Variants in CD164 observed in about 807,000 individuals in gnomAD.
CD164 encodes the protein CD164 molecule.
A neutral mutation model predicts 24.6 loss-of-function variants in CD164; 11 were observed. The ratio of observed to expected loss-of-function variants is 0.45; its 90% CI spans 0.28 to 0.74. CD164 has a LOEUF of 0.74. Among genes scored for constraint, CD164 ranks in the 30% least tolerant of loss-of-function variants. The probability of loss-of-function intolerance (pLI) is 0.13; values close to 1 mark genes in which losing one functional copy is unlikely to be tolerated. For synonymous variants in CD164, 126 were observed against 100.3 expected, an observed-to-expected ratio of 1.26 and a Z score of -1.53; for missense variants, 295 against 243.7, an observed-to-expected ratio of 1.21 and a Z score of -1.40.
At chr6:109,381,866 C>G (rs1771771174) in intron 1 of CD164, 1 of 486,702 alleles carries the variant, frequency 2.1e-6, no homozygotes, top group Non-Finnish European at 3.6e-6. Context: ...CACCGCTGCC[C>G]CCGCGGAAGG....
chr6:109,371,986 A>G (rs1771100596), intron 4 of CD164: 1 of 152,216 alleles, frequency 6.6e-6, no homozygotes, highest in Non-Finnish European at 1.5e-5. Flanking sequence ...ATTTCAGAAA[A>G]AAGGGTTTGA....
rs1770855740 is a variant in CD164 at position 109,367,896 on chromosome 6, T to A, written c.*955A>T. 6.3e-6 allele frequency: 1 copy of A among 158,384 alleles called. No homozygotes were observed. The highest frequency in any genetic ancestry group is 6.5e-5 in the Admixed American group (1 of 15,396). The allele number at this position is 158,384 out of a possible 1,614,324, so 9.8% of individuals were successfully genotyped here. ...TCAAGGTACAATAGTGCTAGCATACTTTTTTTTAAAGTACAAAGGAAAGTG... is the reference window on the plus strand; with the variant it reads ...TCAAGGTACAATAGTGCTAGCATACATTTTTTTAAAGTACAAAGGAAAGTG... On this transcript the variant is annotated 3_prime_UTR_variant, in exon 6 of 6. Coordinates refer to ENST00000310786, the MANE Select transcript of CD164 (RefSeq NM_006016.6).
rs891205264 is a variant in CD164 at position 109,376,213 on chromosome 6, T to C, written c.332-101A>G. On this transcript the variant is annotated intron_variant, in intron 3 of 5. Transcript: ENST00000310786. Reference sequence around the variant, plus strand: ...TGACCTGCAATCATTTGAGTACTTTTCACAATTTTTACAACACTTAAATAC... The same window carrying C: ...TGACCTGCAATCATTTGAGTACTTTCCACAATTTTTACAACACTTAAATAC... 2.3e-5 allele frequency: 17 copies of C among 743,396 alleles called. No individual in the cohort carries two copies. In the South Asian group the frequency reaches 2.3e-4, roughly 10 times the overall value. 46.0% of individuals were successfully genotyped at this position (743,396 alleles called of 1,614,324 possible). A position where few individuals can be genotyped will look rare whatever the true frequency, so the allele number is the denominator to read the frequency against.
Position 109,367,147 on chromosome 6 carries a change from C to T in CD164, c.*1704G>A, listed in dbSNP as rs1481284823. On this transcript the variant is annotated 3_prime_UTR_variant, in exon 6 of 6. Coordinates refer to ENST00000310786, the MANE Select transcript of CD164 (RefSeq NM_006016.6). Reference sequence around the variant, plus strand: ...ATGGAAACAAAAAATGTGAGGTAAACCGACCTTTCCCCAAGAAACTTTGAA... The same window carrying T: ...ATGGAAACAAAAAATGTGAGGTAAATCGACCTTTCCCCAAGAAACTTTGAA... The T allele has an allele frequency of 6.6e-6, 1 of 152,524 alleles. No individual in the cohort carries two copies. The highest frequency in any genetic ancestry group is 1.5e-5 in the Non-Finnish European group (1 of 68,002). 9.4% of individuals were successfully genotyped at this position (152,524 alleles called of 1,614,324 possible). A position where few individuals can be genotyped will look rare whatever the true frequency, so the allele number is the denominator to read the frequency against.
chr6:109,382,170 G>C (rs1475709427), intron 1 of CD164, 34 bp downstream of exon 1: 2 of 1,490,028 alleles, frequency 1.3e-6, no homozygotes, highest in South Asian at 2.6e-5. Context: ...GGCTGGGCAG[G>C]GGAGGGCGGG....
intron 4 of CD164, among the ~76,000 whole-genome samples, chr6:109,373,318 T>C (rs1403273406): frequency 1.3e-5 from 2 of 152,214 alleles, no homozygotes; most frequent in African/African-American, 4.8e-5. Context: ...ATTAACCTCA[T>C]TATACACCCT....
chr6:109,377,938 C>CT lies in CD164; in HGVS notation c.292dup (p.Ser98LysfsTer2), dbSNP rs1252005500. On this transcript the variant is annotated frameshift_variant, in exon 3 of 6. Transcript: ENST00000310786. LOFTEE classifies it high-confidence loss of function. ...TGTCGTGTTCCCCACTTGACAATCA[C>CT]TAACTGTTGAGTTATGTGAACAATA... 1 of 1,613,806 alleles carries CT rather than the reference C, an allele frequency of 6.2e-7. No individual in the cohort carries two copies. Among genetic ancestry groups the CT allele is most frequent in the Non-Finnish European group, 8.5e-7 (1 of 1,179,944 alleles).
rs1451115611 is a variant in CD164 at position 109,377,949 on chromosome 6, G to A, written c.282C>T (p.Asn94=). The A allele has an allele frequency of 6.8e-6, 11 of 1,613,528 alleles. No homozygotes were observed. Among genetic ancestry groups the A allele is most frequent in the Admixed American group, 1.7e-5 (1 of 60,008 alleles). ...CCACTTGACAATCACTAACTGTTGA[G>A]TTATGTGAACAATAGCTCTCATCTG... ...ECKDESYCSH[N]STVSDCQVGN... The change falls in exon 3 of 6, where the codon AAC becomes AAT. Residue 94 remains asparagine (N), a synonymous_variant. Transcript: ENST00000310786.
chr6:109,370,770 G>C (rs988445473), intron 4 of CD164: 1 of 258,038 alleles, frequency 3.9e-6, no homozygotes, highest in Admixed American at 5.6e-5. Flanking sequence ...ACTGCCAAGG[G>C]CAAGAACATT....
chr6:109,377,842 C>G lies in CD164; in HGVS notation c.331+58G>C, dbSNP rs114995468. Reference sequence around the variant, plus strand: ...AGCACTGAAACAAGGCTTTCTGAGGCAATGATCTTCCTCACCTCTCTGCGG... The same window carrying G: ...AGCACTGAAACAAGGCTTTCTGAGGGAATGATCTTCCTCACCTCTCTGCGG... On this transcript the variant is annotated intron_variant, in intron 3 of 5. Coordinates refer to ENST00000310786, the MANE Select transcript of CD164 (RefSeq NM_006016.6). 1,261 of 1,231,910 alleles carry G rather than the reference C, an allele frequency of 1.0e-3. 9 individuals carry two copies. The African/African-American group carries it at 0.017, about 16-fold the overall frequency. 76.3% of individuals were successfully genotyped at this position (1,231,910 alleles called of 1,614,324 possible). A position where few individuals can be genotyped will look rare whatever the true frequency, so the allele number is the denominator to read the frequency against.
intron 1 of CD164, chr6:109,379,936 G>A (rs536378490): frequency 9.3e-5 from 25 of 268,264 alleles, no homozygotes; most frequent in African/African-American, 4.9e-4. Flanking sequence ...ACAACTATTG[G>A]AAGACACCCA....
At chr6:109,374,043 A>G (rs1376088861) in intron 4 of CD164, among the ~76,000 whole-genome samples, 2 of 151,988 alleles carry the variant, frequency 1.3e-5, no homozygotes, top group African/African-American at 4.8e-5. Flanking sequence ...ACAACCACAT[A>G]CTGTTAGTTT....
chr6:109,377,807 C>T, intron 3 of CD164, 93 bp downstream of exon 3: 2 of 852,308 alleles, frequency 2.3e-6, no homozygotes, highest in East Asian at 2.4e-5. Context: ...TATGGCAATG[C>T]TTCAAACAAA....
intron 3 of CD164, among the ~76,000 whole-genome samples, chr6:109,376,999 T>C (rs931383373): frequency 6.6e-6 from 1 of 152,138 alleles, no homozygotes; most frequent in Non-Finnish European, 1.5e-5. Flanking sequence ...TAGCCAGCTA[T>C]GGTGGCATGC....
rs34131679 is a variant in CD164 at position 109,375,848 on chromosome 6, C to A, written c.370+226G>T. ...AAGTACTTTATAGACTCAATGTACA[C>A]AGCCTCAGCAAATCTGCTCACATTC... On this transcript the variant is annotated intron_variant, in intron 4 of 5. Coordinates refer to ENST00000310786, the MANE Select transcript of CD164 (RefSeq NM_006016.6). The A allele has an allele frequency of 0.27, 129,636 of 479,564 alleles. 18,321 individuals are homozygous for A. The highest frequency in any genetic ancestry group is 0.3 in the Middle Eastern group (575 of 1,888). The allele number at this position is 479,564 out of a possible 1,614,324, so 29.7% of individuals were successfully genotyped here. A position where few individuals can be genotyped will look rare whatever the true frequency, so the allele number is the denominator to read the frequency against.
chr6:109,379,726 T>G (rs1771628260), intron 1 of CD164, 64 bp from the exon 2 acceptor site: 1 of 1,222,576 alleles, frequency 8.2e-7, no homozygotes, highest in Non-Finnish European at 1.2e-6. Context: ...TTTGAATCTG[T>G]ATTACTTATC....
chr6:109,382,010 C>T, intron 1 of CD164, 194 bp downstream of exon 1: 1 of 423,852 alleles, frequency 2.4e-6, no homozygotes, highest in Non-Finnish European at 3.9e-6. Flanking sequence ...CGCTTCCCCC[C>T]AGCGCGCTCC....
intron 1 of CD164, chr6:109,380,658 T>C (rs890217431): frequency 2.6e-5 from 4 of 152,246 alleles, no homozygotes; most frequent in Non-Finnish European, 4.4e-5. Context: ...AAGTGAAATG[T>C]CTGAAATGTT....
At chr6:109,373,964 G>A (rs1202122423) in intron 4 of CD164, among the ~76,000 whole-genome samples, 22 of 152,304 alleles carry the variant, frequency 1.4e-4, no homozygotes, top group Middle Eastern at 3.4e-3. Flanking sequence ...ACACCACTGC[G>A]TAAGTGTTTC....
Sources: gnomAD v4.1 joint callset for allele counts (sites outside exome capture counted in the v4.1 genomes callset) on GRCh38, gnomAD v4.1.1 for gene constraint, MANE v1.5 for transcripts, NCBI Gene and HGNC (gene_info 2026-07-23, HGNC 2026-07-21) for gene names.